The following RNASEH2B variants were observed in gnomAD, a reference collection of about 807,000 sequenced individuals.
RNASEH2B encodes the protein ribonuclease H2 subunit B.
In RNASEH2B, 36 loss-of-function variants were observed where a neutral mutation model predicts 45.0. The observed-to-expected ratio is 0.80, with a 90% CI of 0.61 to 1.06. The LOEUF (loss-of-function observed/expected upper bound fraction) is 1.06. Among genes scored for constraint, RNASEH2B ranks in the 50% least tolerant of loss-of-function variants. The probability of loss-of-function intolerance (pLI) is 0.00; values close to 1 mark genes in which losing one functional copy is unlikely to be tolerated. For missense variants in RNASEH2B, 361 were observed against 360.3 expected, an observed-to-expected ratio of 1.00 and a Z score of -0.02; for synonymous variants, 119 against 125.7, an observed-to-expected ratio of 0.95 and a Z score of 0.35.
At chr13:50,936,187 A>AGT (rs1364406648) in intron 5 of RNASEH2B, 1 of 152,198 alleles carries the variant, frequency 6.6e-6, no homozygotes, top group Admixed American at 6.5e-5. Flanking sequence ...AAAGTAAGGC[A>AGT]GTGTGTGTGA....
In RNASEH2B at chr13:50,927,425, C is replaced by T. The variant is rs771472509; in HGVS notation, c.83C>T (p.Ser28Leu). 2 of 1,595,096 alleles carry T rather than the reference C, an allele frequency of 1.3e-6. No homozygotes were observed. The highest frequency in any genetic ancestry group is 2.2e-5 in the South Asian group (2 of 90,664). ...FLVSEYLKDA[S>L]KKMKNGLMFV... ...TTTTCAGAATATTTAAAAGATGCTT[C>T]AAAGAAGATGAAAAATGGGCTAATG... Residue 28 changes from serine (S) to leucine (L), a missense_variant, in exon 2 of 11, where the codon TCA (serine) becomes TTA (leucine). Ser to Leu is a moderately radical substitution (Grantham distance 145, BLOSUM62 -2). Coordinates refer to ENST00000336617, the MANE Select transcript of RNASEH2B (RefSeq NM_024570.4).
intron 1 of RNASEH2B, chr13:50,913,180 G>T (rs1879526691): frequency 6.6e-6 from 1 of 152,186 alleles, no homozygotes; most frequent in Middle Eastern, 3.2e-3. Flanking sequence ...TCTGTAAAAT[G>T]GCCTGGGAAT....
chr13:50,953,986 G>A lies in RNASEH2B; in HGVS notation c.822+1G>A. 2 of 1,582,118 alleles carry A rather than the reference G, an allele frequency of 1.3e-6. No individual in the cohort carries two copies. Among genetic ancestry groups the A allele is most frequent in the Non-Finnish European group, 1.7e-6 (2 of 1,151,034 alleles). ...TACTAAAGATTTGAAGACTGAAAAGGTATGTGGGTTCAGGTGTAGTGGTGT... is the reference window on the plus strand; with the variant it reads ...TACTAAAGATTTGAAGACTGAAAAGATATGTGGGTTCAGGTGTAGTGGTGT... On this transcript the variant is annotated splice_donor_variant, in intron 10 of 10. Transcript: ENST00000336617. LOFTEE classifies it high-confidence loss of function.
At chr13:50,945,299 A>C (rs2137989923) in intron 6 of RNASEH2B, 128 bp from the exon 7 acceptor site, 1 of 696,566 alleles carries the variant, frequency 1.4e-6, no homozygotes, top group Non-Finnish European at 2.6e-6. Flanking sequence ...TGTCTGGTGA[A>C]GATACTTCTA....
chr13:50,929,327 T>C, intron 2 of RNASEH2B, 148 bp from the exon 3 acceptor site: 1 of 656,976 alleles, frequency 1.5e-6, no homozygotes, highest in Non-Finnish European at 2.7e-6. Context: ...TAAGCTTTCC[T>C]TGGAATCAGT....
intron 4 of RNASEH2B, chr13:50,934,679 G>T: frequency 1.7e-6 from 1 of 593,256 alleles, no homozygotes; most frequent in Non-Finnish European, 3.0e-6. Flanking sequence ...GGTGTGCTGT[G>T]TGGGACTCCA....
intron 4 of RNASEH2B, among the ~76,000 whole-genome samples, chr13:50,932,470 C>T (rs551299330): frequency 7.2e-5 from 11 of 152,270 alleles, no homozygotes; most frequent in East Asian, 1.9e-4. Flanking sequence ...ACATAAATGG[C>T]GGTGAGGATC....
Position 50,949,469 on chromosome 13 carries a change from A to G in RNASEH2B, c.705A>G (p.Pro235=), listed in dbSNP as rs774234566. 6.2e-7 allele frequency: 1 copy of G among 1,613,500 alleles called. No homozygotes were observed. The highest frequency in any genetic ancestry group is 8.5e-7 in the Non-Finnish European group (1 of 1,179,506). The part of the protein sequence containing the change: ...SDDLSKYLKL[P]EPSASLPNPP... ...TTATTTTTAACTTTCTTAGGCTTCC[A>G]GAACCTTCAGCCTCATTGCCAAATC... Residue 235 remains proline, a synonymous_variant, in exon 9 of 11, where the codon CCA becomes CCG. Transcript: ENST00000336617.
chr13:50,949,175 AAC>A (rs1313264434), intron 8 of RNASEH2B: 1 of 333,458 alleles, frequency 3.0e-6, no homozygotes, highest in East Asian at 5.3e-5. Context: ...CCAACACCGA[AAC>A]ACAAATTTAT....
intron 1 of RNASEH2B, among the ~76,000 whole-genome samples, chr13:50,924,487 C>T (rs1308024818): frequency 1.3e-5 from 2 of 152,124 alleles, no homozygotes; most frequent in Non-Finnish European, 2.9e-5. Flanking sequence ...CATACATGCA[C>T]CCAATGACAG....
Position 50,956,492 on chromosome 13 carries a change from C to A in RNASEH2B, c.*18C>A. The A allele has an allele frequency of 6.3e-7, 1 of 1,587,318 alleles. No homozygotes were observed. Among genetic ancestry groups the A allele is most frequent in the South Asian group, 1.1e-5 (1 of 88,530 alleles). On this transcript the variant is annotated 3_prime_UTR_variant, in exon 11 of 11. Transcript: ENST00000336617. Reference sequence around the variant, plus strand: ...AGGTTTGAAACTTTGAAAATAAAATCTAGCAAAAATATTTGCTTTTTACAT... The same window carrying A: ...AGGTTTGAAACTTTGAAAATAAAATATAGCAAAAATATTTGCTTTTTACAT...
chr13:50,961,719 G>A (rs1952113270), downstream of RNASEH2B, among the ~76,000 whole-genome samples: 4 of 151,894 alleles, frequency 2.6e-5, no homozygotes, highest in South Asian at 8.3e-4. Context: ...GCTAGGAAAT[G>A]TGTGTGTGTG....
At chr13:50,910,302 T>C in intron 1 of RNASEH2B, 162 bp downstream of exon 1, 1 of 466,120 alleles carries the variant, frequency 2.1e-6, no homozygotes, top group Non-Finnish European at 3.6e-6. Context: ...TCACACGTCA[T>C]AGCAAGCCGC....
chr13:50,953,807 C>T, intron 9 of RNASEH2B, 98 bp from the exon 10 acceptor site: 2 of 801,628 alleles, frequency 2.5e-6, no homozygotes, highest in Non-Finnish European at 4.3e-6. Context: ...CCATTCGCCT[C>T]TGTAGAGGTC....
At chr13:50,913,861 T>C (rs1485491073) in intron 1 of RNASEH2B, among the ~76,000 whole-genome samples, 1 of 152,176 alleles carries the variant, frequency 6.6e-6, no homozygotes, top group Non-Finnish European at 1.5e-5. Flanking sequence ...CAAATGATTA[T>C]ACCAGAGCTA....
At chr13:50,930,904 G>C (rs893984122) in intron 4 of RNASEH2B, 145 bp downstream of exon 4, 11 of 729,132 alleles carry the variant, frequency 1.5e-5, no homozygotes, top group African/African-American at 1.0e-4. Context: ...AATCATATGG[G>C]CCAGTGCAGG....
At chr13:50,941,163 A>G (rs541060375) in intron 5 of RNASEH2B, 4 of 152,372 alleles carry the variant, frequency 2.6e-5, no homozygotes, top group South Asian at 2.1e-4. Context: ...TTTCATCACA[A>G]TATCTTAGCT....
rs1397452982 is a variant in RNASEH2B at position 50,914,147 on chromosome 13, A to T, written c.64+4007A>T. Among the ~76,000 whole-genome samples the T allele has an allele frequency of 2.6e-5, 4 of 152,012 alleles. No individual in the cohort carries two copies. The East Asian group carries it at 7.7e-4, about 29-fold the overall frequency. On this transcript the variant is annotated intron_variant, in intron 1 of 10. Coordinates refer to ENST00000336617, the MANE Select transcript of RNASEH2B (RefSeq NM_024570.4). ...GGGGAGGAAAAAAAGTAAAGGTTTA[A>T]AGTGTATGGCAAAGGAAGAACTACT...
At position 50,945,439 on chromosome 13, in the gene RNASEH2B, G is replaced by A. The variant is rs141049110; in HGVS notation, c.523G>A (p.Val175Met). The A allele has an allele frequency of 8.5e-5, 137 of 1,612,558 alleles. No homozygotes were observed. In the African/African-American group the frequency reaches 1.6e-3, roughly 19 times the overall value. The change falls in exon 7 of 11, where the codon GTG becomes ATG. Residue 175 changes from valine to methionine, a missense_variant. By Grantham distance (21) the Val-to-Met change is conservative. Transcript: ENST00000336617. Reference protein sequence around the residue: ...KWLEKKVNQTVAALKTNNVNV... With the variant: ...KWLEKKVNQTMAALKTNNVNV... ...GGTTGCTTCATAGGTTAATCAAACT[G>A]TGGCAGCATTAAAAACCAATAATGT...
Sources: allele counts gnomAD v4.1 joint callset (sites outside exome capture counted in the v4.1 genomes callset), GRCh38; gene constraint gnomAD v4.1.1; transcripts MANE v1.5; gene names NCBI Gene and HGNC (gene_info 2026-07-23, HGNC 2026-07-21).